EFCAB5: variants seen among roughly 807,000 people sequenced by gnomAD.
The protein encoded by EFCAB5 is EF-hand calcium-binding domain-containing protein 5.
EFCAB5 carries 131 observed loss-of-function variants against 167.9 expected under a neutral mutation model. The observed-to-expected ratio is 0.78, with a 90% CI of 0.68 to 0.90. EFCAB5 has a LOEUF of 0.90. Among genes scored for constraint, EFCAB5 ranks in the 40% least tolerant of loss-of-function variants. The probability of loss-of-function intolerance (pLI) is 0.00; values close to 1 mark genes in which losing one functional copy is unlikely to be tolerated. For synonymous variants in EFCAB5, 574 were observed against 602.8 expected, an observed-to-expected ratio of 0.95 and a Z score of 0.70; for missense variants, 1,663 against 1,745.2, an observed-to-expected ratio of 0.95 and a Z score of 0.84.
intron 3 of EFCAB5, among the ~76,000 whole-genome samples, chr17:29,959,282 A>C (rs1222567074): frequency 6.6e-6 from 1 of 152,102 alleles, no homozygotes; most frequent in African/African-American, 2.4e-5. Flanking sequence ...CTGTCCAGGA[A>C]CTAGAGCCTA....
intron 3 of EFCAB5, among the ~76,000 whole-genome samples, chr17:29,960,591 C>A (rs892858348): frequency 1.3e-5 from 2 of 152,112 alleles, no homozygotes; most frequent in Non-Finnish European, 2.9e-5. Flanking sequence ...GCTCTCCTTC[C>A]CCTACCCCCA....
intron 4 of EFCAB5, among the ~76,000 whole-genome samples, chr17:29,990,205 A>G (rs1019478512): frequency 6.6e-6 from 1 of 152,194 alleles, no homozygotes; most frequent in African/African-American, 2.4e-5. Context: ...AGCGGGTTGA[A>G]TTGGCCATGC....
In EFCAB5 at chr17:29,945,580, A is replaced by G. The variant is rs556495864; in HGVS notation, c.190+1931A>G. Among the ~76,000 whole-genome samples the G allele has an allele frequency of 6.6e-5, 10 of 152,224 alleles. No individual in the cohort carries two copies. The East Asian group carries it at 1.9e-3, about 29-fold the overall frequency. On this transcript the variant is annotated intron_variant, in intron 3 of 22. Transcript: ENST00000394835. ...ATTTTTTTTAAGAGAAAAAAAAAGG[A>G]ACCAAACTTTCCTTCAAATTATACT...
chr17:30,010,212 G>C (rs528155596), intron 7 of EFCAB5, among the ~76,000 whole-genome samples: 1 of 152,288 alleles, frequency 6.6e-6, no homozygotes, highest in East Asian at 1.9e-4. Flanking sequence ...ATCATTGATG[G>C]ATATTTGGGT....
At chr17:30,084,236 G>T (rs1251770688) in intron 18 of EFCAB5, among the ~76,000 whole-genome samples, 3 of 152,194 alleles carry the variant, frequency 2.0e-5, no homozygotes, top group Non-Finnish European at 4.4e-5. Context: ...GAGCTCTCTT[G>T]TGGGGTGGCC....
At chr17:29,968,424 A>G (rs1326880512) in intron 3 of EFCAB5, 3 of 418,964 alleles carry the variant, frequency 7.2e-6, no homozygotes, top group Non-Finnish European at 1.4e-5. Flanking sequence ...CTTGGATAAT[A>G]AAACAGAGCC....
intron 14 of EFCAB5, among the ~76,000 whole-genome samples, chr17:30,060,840 C>A (rs1336305772): frequency 6.6e-6 from 1 of 152,184 alleles, no homozygotes; most frequent in Non-Finnish European, 1.5e-5. Context: ...GAACACTAGA[C>A]AGTAGTTATA....
intron 7 of EFCAB5, among the ~76,000 whole-genome samples, chr17:30,003,099 CG>C (rs142050259): frequency 0.044 from 4,598 of 104,028 alleles, 190 homozygotes; most frequent in African/African-American, 0.11. Flanking sequence ...TTTTTTGTAG[CG>C]GGGGGGGGGT....
chr17:29,944,498 C>T (rs1448695901), intron 3 of EFCAB5, among the ~76,000 whole-genome samples: 3 of 152,082 alleles, frequency 2.0e-5, no homozygotes, highest in African/African-American at 7.2e-5. Context: ...TGACTGACAT[C>T]TAGCAGGCAA....
rs894024519 is a variant in EFCAB5 at position 30,090,554 on chromosome 17, A to G, written c.3817A>G (p.Asn1273Asp). The change falls in exon 20 of 23, where the codon AAT (asparagine) becomes GAT (aspartate). Residue 1273 changes from asparagine to aspartate, a missense_variant. Asn to Asp is a conservative substitution (Grantham distance 23). Coordinates refer to ENST00000394835, the MANE Select transcript of EFCAB5 (RefSeq NM_198529.4). ...LGVLDFNIGQNRMLLCQEYKD... is the reference protein window; with the variant it reads ...LGVLDFNIGQDRMLLCQEYKD... ...AGTCCTCGATTTTAACATCGGCCAAAATAGGATGTTGTTGTGTCAAGAATA... is the reference window on the plus strand; with the variant it reads ...AGTCCTCGATTTTAACATCGGCCAAGATAGGATGTTGTTGTGTCAAGAATA... 6.2e-7 allele frequency: 1 copy of G among 1,614,018 alleles called. No homozygotes were observed. The highest frequency in any genetic ancestry group is 1.7e-5 in the Admixed American group (1 of 60,020).
At chr17:30,106,359 C>A (rs1386285078) in intron 22 of EFCAB5, among the ~76,000 whole-genome samples, 2 of 151,812 alleles carry the variant, frequency 1.3e-5, no homozygotes, top group Non-Finnish European at 2.9e-5. Context: ...AATCAGCAAA[C>A]ATGTATTGGG....
At chr17:30,018,048 T>C (rs760881119) in intron 7 of EFCAB5, among the ~76,000 whole-genome samples, 3 of 152,196 alleles carry the variant, frequency 2.0e-5, no homozygotes, top group Non-Finnish European at 4.4e-5. Context: ...ATATTGAGAA[T>C]GTCTGCCTAC....
chr17:30,090,490 A>C lies in EFCAB5; in HGVS notation c.3753A>C (p.Ile1251=). 1 of 1,614,058 alleles carries C rather than the reference A, an allele frequency of 6.2e-7. No individual in the cohort carries two copies. The highest frequency in any genetic ancestry group is 8.5e-7 in the Non-Finnish European group (1 of 1,179,892). The change falls in exon 20 of 23, where the codon ATA becomes ATC. Residue 1251 remains isoleucine, a synonymous_variant. Coordinates refer to ENST00000394835, the MANE Select transcript of EFCAB5 (RefSeq NM_198529.4). ...VLASACGETH[I]VVPLRERTGE... ...CTTCTGCCTGTGGAGAAACGCATAT[A>C]GTAGTTCCACTTCGTGAGAGAACAG...
chr17:30,091,360 G>T (rs910998683), intron 20 of EFCAB5, among the ~76,000 whole-genome samples: 1 of 152,174 alleles, frequency 6.6e-6, no homozygotes, highest in African/African-American at 2.4e-5. Flanking sequence ...AATAGAATTA[G>T]CAGAGTAACA....
rs768988502 is a variant in EFCAB5, at chr17:30,053,367, A to T, written c.1413A>T (p.Leu471Phe). The T allele has an allele frequency of 3.1e-6, 5 of 1,613,938 alleles. No individual in the cohort carries two copies. The African/African-American group carries it at 6.7e-5, about 22-fold the overall frequency. The change falls in exon 10 of 23, where the codon TTA becomes TTT. Residue 471 changes from leucine (L) to phenylalanine (F), a missense_variant. Physicochemically the swap from Leu to Phe is conservative, Grantham distance 22 (BLOSUM62 0). Transcript: ENST00000394835. ...FDKVLLEMNT[L>F]LSANHASKTQ... is the part of the protein sequence containing the mutation. Reference sequence around the variant, plus strand: ...AAGTGCTCTTGGAGATGAATACATTACTTTCTGCAAATCATGCTAGCAAAA... The same window carrying T: ...AAGTGCTCTTGGAGATGAATACATTTCTTTCTGCAAATCATGCTAGCAAAA...
chr17:30,078,043 T>C (rs78198065), intron 14 of EFCAB5, among the ~76,000 whole-genome samples, 172 bp from the exon 15 acceptor site: 2,048 of 152,260 alleles, frequency 0.013, 41 homozygotes, highest in African/African-American at 0.047. Flanking sequence ...GAGTTCAACA[T>C]AGAAATTCAT....
chr17:29,973,812 C>T (rs943048053), intron 4 of EFCAB5, among the ~76,000 whole-genome samples: 8 of 150,058 alleles, frequency 5.3e-5, no homozygotes, highest in Non-Finnish European at 1.2e-4. Flanking sequence ...AATCTTGGTT[C>T]CTAATGACAT....
intron 8 of EFCAB5, among the ~76,000 whole-genome samples, chr17:30,047,949 A>C (rs1297113489): frequency 1.3e-5 from 2 of 152,226 alleles, no homozygotes; most frequent in African/African-American, 4.8e-5. Context: ...ATTTTACTCT[A>C]GGCTTTACTC....
chr17:30,004,695 A>G (rs956474054), intron 7 of EFCAB5, among the ~76,000 whole-genome samples: 1 of 145,026 alleles, frequency 6.9e-6, no homozygotes, highest in Non-Finnish European at 1.5e-5. Flanking sequence ...ATCTTGGCTC[A>G]CTGCAACCTC....
Sources: gnomAD v4.1 joint callset for allele counts (sites outside exome capture counted in the v4.1 genomes callset) on GRCh38, gnomAD v4.1.1 for gene constraint, MANE v1.5 for transcripts, NCBI Gene and HGNC (gene_info 2026-07-23, HGNC 2026-07-21) for gene names.